The following AVEN variants were observed in gnomAD, a reference collection of about 807,000 sequenced individuals.
AVEN encodes apoptosis and caspase activation inhibitor.
A neutral mutation model predicts 38.1 loss-of-function variants in AVEN; 41 were observed. The observed-to-expected ratio is 1.08, with a 90% CI of 0.84 to 1.40. The LOEUF is 1.40. AVEN is among the 40% of genes most tolerant of loss of function. AVEN has a pLI of 0.00. For synonymous variants in AVEN, 206 were observed against 171.8 expected, an observed-to-expected ratio of 1.20 and a Z score of -1.56; for missense variants, 605 against 438.8, an observed-to-expected ratio of 1.38 and a Z score of -3.38.
At chr15:34,057,567 A>T (rs1385517608) in intron 5 of AVEN, among the ~76,000 whole-genome samples, 1 of 152,182 alleles carries the variant, frequency 6.6e-6, no homozygotes. Flanking sequence ...CCTATGAGGT[A>T]AGGACTGTTT....
chr15:33,993,740 C>A (rs934901881), intron 2 of AVEN, among the ~76,000 whole-genome samples: 9 of 152,296 alleles, frequency 5.9e-5, no homozygotes, highest in South Asian at 2.1e-4. Flanking sequence ...AATCATTACA[C>A]CTCATCTCCC....
At chr15:33,863,967 T>G (rs1889483800), downstream of AVEN, among the ~76,000 whole-genome samples, 1 of 152,224 alleles carries the variant, frequency 6.6e-6, no homozygotes, top group African/African-American at 2.4e-5. Context: ...TCATGTGTGC[T>G]ACTATTAGAA....
chr15:33,895,400 G>A (rs941957361), intron 2 of AVEN, among the ~76,000 whole-genome samples: 1 of 150,728 alleles, frequency 6.6e-6, no homozygotes, highest in African/African-American at 2.5e-5. Context: ...ATCATAGCTC[G>A]CTGCAGCCTC....
At chr15:33,882,705 T>A (rs1891541772) in intron 2 of AVEN, among the ~76,000 whole-genome samples, 1 of 151,696 alleles carries the variant, frequency 6.6e-6, no homozygotes, top group African/African-American at 2.4e-5. Context: ...CATCTCTATT[T>A]AAAAAAAATA....
At position 34,034,917 on chromosome 15, in the gene AVEN, T is replaced by A. The variant is rs180960209; in HGVS notation, c.267+3863A>T. Among the ~76,000 whole-genome samples the A allele has an allele frequency of 2.7e-3, 412 of 152,326 alleles. 6 individuals are homozygous for A. The highest frequency in any genetic ancestry group is 0.017 in the Middle Eastern group (5 of 294). The stretch of plus-strand genomic sequence containing the variant: ...AAAGGAAAATAAAGTCTAGAGGCTG[T>A]CATTTCAGTTTGAGCTTTTAACAGG... On this transcript the variant is annotated intron_variant, in intron 1 of 5. Transcript: ENST00000306730.
chr15:33,973,405 C>T (rs1194210813), intron 2 of AVEN, among the ~76,000 whole-genome samples: 1 of 152,122 alleles, frequency 6.6e-6, no homozygotes, highest in Non-Finnish European at 1.5e-5. Flanking sequence ...AACTGTATAC[C>T]TTCCCTTCAT....
At chr15:34,016,211 G>A (rs971884699) in intron 1 of AVEN, among the ~76,000 whole-genome samples, 2 of 152,196 alleles carry the variant, frequency 1.3e-5, no homozygotes, top group African/African-American at 4.8e-5. Flanking sequence ...TCCAGCCTGG[G>A]CAACAAGAGC....
At chr15:33,868,359 TAAACAAACAAACAAAC>T (rs113504638) in intron 4 of AVEN, among the ~76,000 whole-genome samples, 2 of 150,994 alleles carry the variant, frequency 1.3e-5, no homozygotes, top group African/African-American at 4.9e-5. Flanking sequence ...CTGTCTCTAC[TAAACAAACAAACAAAC>T]AAACAAACAA....
chr15:33,921,679 G>A (rs535809350), intron 2 of AVEN, among the ~76,000 whole-genome samples: 1 of 152,344 alleles, frequency 6.6e-6, no homozygotes, highest in East Asian at 1.9e-4. Context: ...ATGACATCAT[G>A]AGGGTTTGAG....
chr15:33,961,578 C>A lies in AVEN; in HGVS notation c.445+41454G>T, dbSNP rs1170747374. Among the ~76,000 whole-genome samples the A allele has an allele frequency of 4.0e-5, 6 of 151,834 alleles. No individual in the cohort carries two copies. In the East Asian group the frequency reaches 1.2e-3, roughly 30 times the overall value. On this transcript the variant is annotated intron_variant, in intron 2 of 5. Transcript: ENST00000306730. ...CCTGTAATCCCAGCACTTTGGGAGG[C>A]CAAGGTGGGCGAATCACGAGGTCAG...
chr15:33,933,520 C>CAGAG (rs1893939663), intron 2 of AVEN, among the ~76,000 whole-genome samples: 1 of 82,542 alleles, frequency 1.2e-5, no homozygotes, highest in Non-Finnish European at 2.5e-5. Flanking sequence ...CACACACACA[C>CAGAG]ACACAGAGAG....
At chr15:33,940,425 C>G (rs1168142043) in intron 2 of AVEN, among the ~76,000 whole-genome samples, 1 of 152,186 alleles carries the variant, frequency 6.6e-6, no homozygotes, top group Non-Finnish European at 1.5e-5. Flanking sequence ...GTTAGCAGGC[C>G]AGCTCATCCC....
At chr15:33,882,604 C>A (rs1277703946) in intron 2 of AVEN, among the ~76,000 whole-genome samples, 2 of 151,568 alleles carry the variant, frequency 1.3e-5, no homozygotes, top group Non-Finnish European at 2.9e-5. Context: ...CAGTGGCTTA[C>A]GCCTGTAATC....
At chr15:33,864,991 A>G (rs1889985999), downstream of AVEN, 4 of 622,986 alleles carry the variant, frequency 6.4e-6, no homozygotes, top group South Asian at 8.2e-5. Flanking sequence ...CTGGGAATAG[A>G]GCAAGAATGA....
intron 2 of AVEN, among the ~76,000 whole-genome samples, chr15:33,920,899 C>G (rs1269672331): frequency 2.0e-5 from 3 of 152,096 alleles, no homozygotes; most frequent in Non-Finnish European, 4.4e-5. Context: ...CCTCAGCCCC[C>G]CAAGCAGCTG....
chr15:33,901,080 CATGGTGAAACCCCGTCTCTACT>C, intron 2 of AVEN, among the ~76,000 whole-genome samples: 1 of 152,166 alleles, frequency 6.6e-6, no homozygotes, highest in Non-Finnish European at 1.5e-5. Flanking sequence ...TCCTGGCTAA[CATGGTGAAACCCCGTCTCTACT>C]AAAAATACAA....
At chr15:33,944,691 C>A (rs1894443616) in intron 2 of AVEN, among the ~76,000 whole-genome samples, 2 of 151,984 alleles carry the variant, frequency 1.3e-5, no homozygotes, top group South Asian at 4.1e-4. Flanking sequence ...CGCCTGTAGT[C>A]CCAGCTACTC....
At chr15:33,988,207 T>C (rs1218748709) in intron 2 of AVEN, among the ~76,000 whole-genome samples, 1 of 152,204 alleles carries the variant, frequency 6.6e-6, no homozygotes, top group African/African-American at 2.4e-5. Context: ...AAACAAAAAA[T>C]GTGTATCTTA....
upstream of AVEN, among the ~76,000 whole-genome samples, chr15:34,042,692 C>T (rs1030846425): frequency 6.6e-6 from 1 of 151,952 alleles, no homozygotes; most frequent in African/African-American, 2.4e-5. Flanking sequence ...CAACAGCCAC[C>T]GTGCCCGGCA....
Sources: allele counts gnomAD v4.1 joint callset (sites outside exome capture counted in the v4.1 genomes callset), GRCh38; gene constraint gnomAD v4.1.1; transcripts MANE v1.5; gene names NCBI Gene and HGNC (gene_info 2026-07-23, HGNC 2026-07-21).